The following ROR1 variants were observed in gnomAD, a reference collection of about 807,000 sequenced individuals.
The protein encoded by ROR1 is inactive tyrosine-protein kinase transmembrane receptor ROR1.
In ROR1, 19 loss-of-function variants were observed where a neutral mutation model predicts 78.8. The ratio of observed to expected loss-of-function variants is 0.24; its 90% CI spans 0.17 to 0.35. The LOEUF is 0.35. Ranked by LOEUF, ROR1 falls within the 10% of genes least tolerant of loss-of-function variation. The probability of loss-of-function intolerance (pLI) is 1.00; values close to 1 mark genes in which losing one functional copy is unlikely to be tolerated. For synonymous variants in ROR1, 386 were observed against 433.6 expected (o/e 0.89, Z 1.36); for missense variants, 917 against 1,177.8 (o/e 0.78, Z 3.24).
intron 1 of ROR1, among the ~76,000 whole-genome samples, chr1:63,869,559 T>C (rs78488117): frequency 0.034 from 5,219 of 152,306 alleles, 88 homozygotes; most frequent in Middle Eastern, 0.054. Flanking sequence ...TACTCTCTCC[T>C]CTTTGCACTT....
At position 64,137,846 on chromosome 1, in the gene ROR1, A is replaced by C. The variant is rs192628047; in HGVS notation, c.610+350A>C. On this transcript the variant is annotated intron_variant, in intron 5 of 8. Transcript: ENST00000371079. The stretch of plus-strand genomic sequence containing the variant: ...TGCCCTCACAGAGCTTACTGTTTAG[A>C]AGCAACATGATGTCGACTGAGAGGG... Among the ~76,000 whole-genome samples the C allele has an allele frequency of 3.8e-3, 578 of 152,264 alleles. 3 individuals are homozygous for C. The highest frequency in any genetic ancestry group is 0.013 in the African/African-American group (534 of 41,562).
chr1:63,951,793 A>G (rs1645941536), intron 1 of ROR1, among the ~76,000 whole-genome samples: 1 of 152,196 alleles, frequency 6.6e-6, no homozygotes, highest in Non-Finnish European at 1.5e-5. Flanking sequence ...TAAAACCTGG[A>G]TCTGCCCCTG....
chr1:64,140,861 A>T (rs977873866), intron 6 of ROR1, among the ~76,000 whole-genome samples: 4 of 152,242 alleles, frequency 2.6e-5, no homozygotes, highest in African/African-American at 9.6e-5. Context: ...AACATTATTT[A>T]TCCATAAAAA....
Position 64,142,578 on chromosome 1 carries a change from C to G in ROR1, c.1102C>G (p.Gln368Glu), listed in dbSNP as rs1249904351. ...TTCCTACTGCCGCAACCCAGGGAAT[C>G]AAAAGGAAGCTCCCTGGTGCTTCAC... ...GHSYCRNPGN[Q>E]KEAPWCFTLD... Residue 368 changes from glutamine to glutamate, a missense_variant, in exon 7 of 9, where the codon CAA becomes GAA. Gln to Glu is a conservative substitution (Grantham distance 29). This residue lies in a region of ROR1 where 835 missense variants were observed against 1,069.8 expected (regional missense o/e 0.78). Coordinates refer to ENST00000371079, the MANE Select transcript of ROR1 (RefSeq NM_005012.4). 1 of 1,614,094 alleles carries G rather than the reference C, an allele frequency of 6.2e-7. No individual in the cohort carries two copies. The highest frequency in any genetic ancestry group is 8.5e-7 in the Non-Finnish European group (1 of 1,180,016).
rs35586842 is a variant in ROR1 at position 64,177,967 on chromosome 1, C to T, written c.1926C>T (p.Ser642=). ...TGGGGCTTTCCAGAGAAATTTACTC[C>T]GCTGATTACTACAGGGTCCAGAGTA... ...SDLGLSREIY[S]ADYYRVQSKS... Residue 642 remains serine, a synonymous_variant, in exon 9 of 9, where the codon TCC becomes TCT. Transcript: ENST00000371079. 7,718 of 1,614,136 alleles carry T rather than the reference C, an allele frequency of 4.8e-3. 302 individuals carry two copies. The African/African-American group carries it at 0.088, about 18-fold the overall frequency.
At chr1:63,946,919 C>T (rs12144296) in intron 1 of ROR1, among the ~76,000 whole-genome samples, 5 of 152,220 alleles carry the variant, frequency 3.3e-5, no homozygotes, top group Non-Finnish European at 5.9e-5. Flanking sequence ...CACCAGACCT[C>T]TGACCCTTCT....
intron 4 of ROR1, among the ~76,000 whole-genome samples, chr1:64,105,069 T>A (rs1015374961): frequency 3.9e-5 from 6 of 152,184 alleles, no homozygotes; most frequent in African/African-American, 1.2e-4. Context: ...CTAATTTACG[T>A]TCCCATTAAC....
intron 4 of ROR1, among the ~76,000 whole-genome samples, chr1:64,079,499 G>A (rs1486384525): frequency 6.7e-6 from 1 of 149,632 alleles, no homozygotes; most frequent in African/African-American, 2.5e-5. Context: ...TGGAGACAGA[G>A]TCTCGCTTTG....
chr1:63,849,758 A>C (rs1044303749), intron 1 of ROR1, among the ~76,000 whole-genome samples: 7 of 152,158 alleles, frequency 4.6e-5, no homozygotes, highest in Non-Finnish European at 2.9e-5. Context: ...TGTTTTTCCT[A>C]CCATCTCAGA....
chr1:63,845,796 G>C (rs1470051960), intron 1 of ROR1, among the ~76,000 whole-genome samples: 1 of 152,136 alleles, frequency 6.6e-6, no homozygotes, highest in African/African-American at 2.4e-5. Flanking sequence ...TGTTTTACCT[G>C]CTTTAAAAAT....
intron 1 of ROR1, among the ~76,000 whole-genome samples, chr1:63,821,105 G>C (rs866581019): frequency 6.6e-6 from 1 of 152,276 alleles, no homozygotes; most frequent in Middle Eastern, 3.4e-3. Flanking sequence ...ATGCTGGGGG[G>C]AGGAAGCACT....
intron 1 of ROR1, among the ~76,000 whole-genome samples, chr1:63,785,494 A>ATG (rs1225168484): frequency 7.3e-6 from 1 of 137,652 alleles, no homozygotes; most frequent in Non-Finnish European, 1.5e-5. Flanking sequence ...ATATATATAT[A>ATG]TATTTTATTT....
chr1:64,123,522 C>T (rs1012707809), intron 4 of ROR1, among the ~76,000 whole-genome samples: 3 of 152,106 alleles, frequency 2.0e-5, no homozygotes, highest in Non-Finnish European at 4.4e-5. Context: ...TCTCATAAAA[C>T]CTCAGTGTTT....
intron 1 of ROR1, among the ~76,000 whole-genome samples, chr1:63,923,914 G>A (rs1431125849): frequency 6.6e-6 from 1 of 151,802 alleles, no homozygotes; most frequent in African/African-American, 2.4e-5. Context: ...CAAAACCAGG[G>A]GGCCTGAGGA....
intron 4 of ROR1, among the ~76,000 whole-genome samples, chr1:64,079,368 A>G (rs1647080099): frequency 6.6e-6 from 1 of 152,196 alleles, no homozygotes; most frequent in Admixed American, 6.5e-5. Context: ...TAATACTAAC[A>G]TATCATAGAT....
At position 64,173,895 on chromosome 1, in the gene ROR1, C is replaced by T. The variant is rs192545381; in HGVS notation, c.1387-3533C>T. ...TTCTTGTTGCCTTCACCTTCATTCACATCTCAGAGGAGCCAGCTACAGGCC... is the reference window on the plus strand; with the variant it reads ...TTCTTGTTGCCTTCACCTTCATTCATATCTCAGAGGAGCCAGCTACAGGCC... On this transcript the variant is annotated intron_variant, in intron 8 of 8. Transcript: ENST00000371079. Among the ~76,000 whole-genome samples the T allele has an allele frequency of 3.1e-3, 478 of 152,278 alleles. 3 individuals carry two copies. The highest frequency in any genetic ancestry group is 5.5e-3 in the Non-Finnish European group (375 of 68,024).
chr1:63,860,456 C>T (rs530351819), intron 1 of ROR1, among the ~76,000 whole-genome samples: 7 of 152,016 alleles, frequency 4.6e-5, no homozygotes, highest in African/African-American at 1.2e-4. Context: ...CGCAGTGGCT[C>T]ACACCTGTAA....
At chr1:64,018,302 C>T (rs1646537816) in intron 2 of ROR1, among the ~76,000 whole-genome samples, 1 of 152,160 alleles carries the variant, frequency 6.6e-6, no homozygotes, top group East Asian at 1.9e-4. Flanking sequence ...CCTGCTTCTC[C>T]TTCTCCACCT....
chr1:63,827,396 A>C (rs1483132866), intron 1 of ROR1, among the ~76,000 whole-genome samples: 1 of 151,562 alleles, frequency 6.6e-6, no homozygotes, highest in Non-Finnish European at 1.5e-5. Context: ...TCCCAACCTC[A>C]CCCCACTCCC....
Sources: gnomAD v4.1 joint callset for allele counts (sites outside exome capture counted in the v4.1 genomes callset) on GRCh38, gnomAD v4.1.1 for gene constraint, gnomAD v4.1.1 regional missense constraint, MANE v1.5 for transcripts, NCBI Gene and HGNC (gene_info 2026-07-23, HGNC 2026-07-21) for gene names.